The following ACAP2 variants were observed in gnomAD, a reference collection of about 807,000 sequenced individuals.
The protein encoded by ACAP2 is ArfGAP with coiled-coil, ankyrin repeat and PH domains 2, also known as arf-GAP with coiled-coil, ANK repeat and PH domain-containing protein 2.
ACAP2 carries 39 observed loss-of-function variants against 115.8 expected under a neutral mutation model. The ratio of observed to expected loss-of-function variants is 0.34; its 90% confidence interval spans 0.26 to 0.44. The LOEUF (loss-of-function observed/expected upper bound fraction) is 0.44. Ranked by LOEUF, ACAP2 falls within the 20% of genes least tolerant of loss-of-function variation. The probability of loss-of-function intolerance (pLI) is 1.00; values close to 1 mark genes in which losing one functional copy is unlikely to be tolerated. For missense variants in ACAP2, 662 were observed against 927.6 expected (o/e 0.71, Z 3.72); for synonymous variants, 289 against 315.8 (o/e 0.92, Z 0.90).
intron 22 of ACAP2, among the ~76,000 whole-genome samples, chr3:195,283,129 G>C (rs1436572773): frequency 6.6e-6 from 1 of 152,132 alleles, no homozygotes; most frequent in Non-Finnish European, 1.5e-5. Context: ...TTCTCAACTG[G>C]CTGAGAGCCT....
At chr3:195,362,109 T>C (rs1482856422) in intron 4 of ACAP2, among the ~76,000 whole-genome samples, 2 of 152,072 alleles carry the variant, frequency 1.3e-5, no homozygotes, top group African/African-American at 4.8e-5. Context: ...GGTCAGGAGT[T>C]TGAGACCAGT....
At position 195,342,346 on chromosome 3, in the gene ACAP2, T is replaced by C. The variant is rs78369758; in HGVS notation, c.528+125A>G. 1,916 of 951,162 alleles carry C rather than the reference T, an allele frequency of 2.0e-3. 32 individuals carry two copies. In the African/African-American group the frequency reaches 0.029, roughly 14 times the overall value. 58.9% of individuals were successfully genotyped at this position (951,162 alleles called of 1,614,324 possible). A position where few individuals can be genotyped will look rare whatever the true frequency, so the allele number is the denominator to read the frequency against. On this transcript the variant is annotated intron_variant, in intron 6 of 22. Coordinates refer to ENST00000326793, the MANE Select transcript of ACAP2 (RefSeq NM_012287.6). ...GCTACACAGATGGAAATTTTCCACC[T>C]AAGATTATGTTTTAACTTTAAGTTC...
intron 15 of ACAP2, among the ~76,000 whole-genome samples, chr3:195,297,517 G>C (rs924965764): frequency 5.3e-5 from 8 of 152,124 alleles, no homozygotes. Flanking sequence ...ACCCCCACCA[G>C]AGTCATTCTC....
intron 9 of ACAP2, chr3:195,326,533 CACACACACGG>C (rs1241477471): frequency 5.0e-6 from 1 of 200,138 alleles, no homozygotes; most frequent in Non-Finnish European, 1.0e-5. Flanking sequence ...TGCCCCACAA[CACACACACGG>C]ACACACACTT....
At chr3:195,288,255 A>T (rs1177742093) in intron 21 of ACAP2, among the ~76,000 whole-genome samples, 3 of 152,030 alleles carry the variant, frequency 2.0e-5, no homozygotes, top group Admixed American at 2.0e-4. Flanking sequence ...TAAAATCTCA[A>T]ATTATCTATG....
In ACAP2 at chr3:195,426,576, T is replaced by G. The variant is rs530137747; in HGVS notation, c.53+16219A>C. Among the ~76,000 whole-genome samples the G allele has an allele frequency of 1.7e-3, 262 of 152,276 alleles. 1 individual carries two copies. Among genetic ancestry groups the G allele is most frequent in the African/African-American group, 6.2e-3 (256 of 41,564 alleles). On this transcript the variant is annotated intron_variant, in intron 1 of 22. Coordinates refer to ENST00000326793, the MANE Select transcript of ACAP2 (RefSeq NM_012287.6). ...TTAAGCAGTATTATGTCACAACAAC[T>G]TCACAGAATATACGATGCAGTCTTT...
chr3:195,280,870 G>C (rs1726455824), intron 22 of ACAP2: 1 of 152,122 alleles, frequency 6.6e-6, no homozygotes, highest in Non-Finnish European at 1.5e-5. Context: ...TACTGTTTTT[G>C]ATTATTATTG....
intron 4 of ACAP2, among the ~76,000 whole-genome samples, chr3:195,365,567 TA>T (rs895371151): frequency 1.5e-3 from 209 of 141,642 alleles, no homozygotes; most frequent in East Asian, 3.6e-3. Flanking sequence ...ACCTTGTCTC[TA>T]AAAAAAAAAA....
chr3:195,393,913 A>G (rs138897108), intron 1 of ACAP2, among the ~76,000 whole-genome samples: 1 of 151,368 alleles, frequency 6.6e-6, no homozygotes, highest in African/African-American at 2.4e-5. Flanking sequence ...CTACAAAATT[A>G]TATGCATAGC....
chr3:195,441,126 A>G (rs1715959879), intron 1 of ACAP2, among the ~76,000 whole-genome samples: 2 of 142,582 alleles, frequency 1.4e-5, no homozygotes, highest in Admixed American at 7.0e-5. Flanking sequence ...CACTTCTCTC[A>G]ACTTAAAAAA....
intron 1 of ACAP2, among the ~76,000 whole-genome samples, chr3:195,422,450 AT>A (rs1341578011): frequency 3.3e-5 from 5 of 152,142 alleles, no homozygotes; most frequent in African/African-American, 1.2e-4. Context: ...ATATTGTGAC[AT>A]GCTAAAATAT....
At chr3:195,407,809 A>G (rs9847544) in intron 1 of ACAP2, among the ~76,000 whole-genome samples, 45,931 of 151,960 alleles carry the variant, frequency 0.3, 7,943 homozygotes, top group East Asian at 0.81. Context: ...AAGAAAGATT[A>G]CAGCAAATAT....
Position 195,279,116 on chromosome 3 carries a change from C to CTATTTA in ACAP2, c.*211_*212insTAAATA. On this transcript the variant is annotated 3_prime_UTR_variant, in exon 23 of 23. Transcript: ENST00000326793. ...CTACAGAAATAGCCCTTTAAATAGG[C>CTATTTA]TTTTTTAATAAAAGAGGTCCTAAAC... 5.1e-6 allele frequency: 2 copies of CTATTTA among 395,038 alleles called. No individual in the cohort carries two copies. Among genetic ancestry groups the CTATTTA allele is most frequent in the South Asian group, 1.0e-4 (2 of 19,572 alleles). The allele number at this position is 395,038 out of a possible 1,614,324, so 24.5% of individuals were successfully genotyped here.
At chr3:195,420,258 T>A (rs1437395272) in intron 1 of ACAP2, among the ~76,000 whole-genome samples, 1 of 152,248 alleles carries the variant, frequency 6.6e-6, no homozygotes, top group African/African-American at 2.4e-5. Flanking sequence ...CTTACTGGTA[T>A]AAAGTTCCTA....
chr3:195,339,092 A>C (rs1730703693), intron 6 of ACAP2, among the ~76,000 whole-genome samples: 1 of 152,002 alleles, frequency 6.6e-6, no homozygotes, highest in South Asian at 2.1e-4. Context: ...TTAGCCAGGC[A>C]TGGTGGTGGG....
chr3:195,387,723 T>C (rs1734395878), intron 2 of ACAP2, among the ~76,000 whole-genome samples: 1 of 152,200 alleles, frequency 6.6e-6, no homozygotes, highest in Non-Finnish European at 1.5e-5. Flanking sequence ...CCCAAAGTGC[T>C]AGGATTACAG....
chr3:195,371,609 G>A (rs1169154251), intron 4 of ACAP2, among the ~76,000 whole-genome samples: 3 of 152,124 alleles, frequency 2.0e-5, no homozygotes, highest in Admixed American at 6.6e-5. Flanking sequence ...GGAGTGGTGG[G>A]AGAGGGCATC....
intron 6 of ACAP2, among the ~76,000 whole-genome samples, chr3:195,339,483 T>C (rs920640081): frequency 2.7e-5 from 4 of 149,732 alleles, no homozygotes; most frequent in African/African-American, 9.7e-5. Flanking sequence ...CTATATAAAA[T>C]AGGATTTTTA....
chr3:195,403,739 CAGATTTAGGGAAAGA>C (rs770016871), intron 1 of ACAP2, among the ~76,000 whole-genome samples: 1 of 152,036 alleles, frequency 6.6e-6, no homozygotes, highest in Non-Finnish European at 1.5e-5. Context: ...ACAGGCGGAA[CAGATTTAGGGAAAGA>C]AGATCTAGAG....
Sources: gnomAD v4.1 joint callset for allele counts (sites outside exome capture counted in the v4.1 genomes callset) on GRCh38, gnomAD v4.1.1 for gene constraint, MANE v1.5 for transcripts, NCBI Gene and HGNC (gene_info 2026-07-23, HGNC 2026-07-21) for gene names.